The following SLC68A1 variants were observed in gnomAD, a reference collection of about 807,000 sequenced individuals.
The protein encoded by SLC68A1 is major facilitator superfamily domain containing 13A.
the SLC68A1 span, chr10:102,470,935 CCTCT>C: frequency 6.2e-7 from 1 of 1,613,312 alleles, no homozygotes; most frequent in Admixed American, 1.7e-5. Flanking sequence ...CGGCCGGCTC[CCTCT>C]CTGTCTTTGC....
the SLC68A1 span, among the ~76,000 whole-genome samples, chr10:102,474,325 G>A: frequency 6.6e-6 from 1 of 152,188 alleles, no homozygotes. Flanking sequence ...GGGGTGGGCT[G>A]GGGTTGGCAA....
At chr10:102,469,661 C>A in the SLC68A1 span, among the ~76,000 whole-genome samples, 1 of 151,808 alleles carries the variant, frequency 6.6e-6, no homozygotes, top group Non-Finnish European at 1.5e-5. Flanking sequence ...ATTCTCCTGT[C>A]TCAACCTCAT....
the SLC68A1 span, chr10:102,471,008 C>G: frequency 8.1e-6 from 13 of 1,613,394 alleles, no homozygotes; most frequent in African/African-American, 1.3e-5. Context: ...CTGCGTGACA[C>G]TGGCTGTCAG....
the SLC68A1 span, among the ~76,000 whole-genome samples, chr10:102,474,690 C>T: frequency 1.3e-5 from 2 of 152,078 alleles, no homozygotes; most frequent in African/African-American, 4.8e-5. Flanking sequence ...CCCTGTCACC[C>T]AGGCTGGAGT....
At chr10:102,467,668 CTTTTT>C in the SLC68A1 span, among the ~76,000 whole-genome samples, 2 of 149,162 alleles carry the variant, frequency 1.3e-5, no homozygotes, top group Non-Finnish European at 3.0e-5. Flanking sequence ...TTCTTTTTTT[CTTTTT>C]GAGACTGAGT....
the SLC68A1 span, chr10:102,469,289 T>G: frequency 7.6e-7 from 1 of 1,314,110 alleles, no homozygotes; most frequent in Non-Finnish European, 1.1e-6. Context: ...AGGTGCCTGG[T>G]CCCACCCAGT....
the SLC68A1 span, among the ~76,000 whole-genome samples, chr10:102,472,659 G>C: frequency 6.6e-6 from 1 of 152,174 alleles, no homozygotes; most frequent in Non-Finnish European, 1.5e-5. Context: ...AGCAAAGTTA[G>C]ATAGCACCAG....
At chr10:102,476,041 AGTTTTTTTTGG>A in the SLC68A1 span, 19 of 825,824 alleles carry the variant, frequency 2.3e-5, no homozygotes, top group Non-Finnish European at 3.0e-5. Context: ...GGAAGGAGCC[AGTTTTTTTTGG>A]TTTTTTTTTT....
At chr10:102,471,208 T>C in the SLC68A1 span, 1 of 1,601,530 alleles carries the variant, frequency 6.2e-7, no homozygotes, top group Non-Finnish European at 8.5e-7. Flanking sequence ...GGGGCTGCCC[T>C]GGGATGTGTT....
the SLC68A1 span, among the ~76,000 whole-genome samples, chr10:102,464,319 C>T: frequency 3.9e-5 from 6 of 152,144 alleles, no homozygotes; most frequent in Admixed American, 2.0e-4. Flanking sequence ...GGCATGGTGG[C>T]GCACGCCTGT....
chr10:102,463,773 T>C, the SLC68A1 span, among the ~76,000 whole-genome samples: 1 of 152,126 alleles, frequency 6.6e-6, no homozygotes, highest in South Asian at 2.1e-4. Flanking sequence ...TGAATGCAGA[T>C]AGTAACAGAG....
the SLC68A1 span, among the ~76,000 whole-genome samples, chr10:102,462,683 C>T: frequency 6.6e-6 from 1 of 152,138 alleles, no homozygotes; most frequent in South Asian, 2.1e-4. Flanking sequence ...TGTCACTTCC[C>T]CACCCCCAGC....
chr10:102,471,446 A>G, the SLC68A1 span: 28,334 of 1,592,430 alleles, frequency 0.018, 397 homozygotes, highest in Non-Finnish European at 0.02. Context: ...GACTTCACTC[A>G]AGGGGACAGA....
the SLC68A1 span, chr10:102,471,149 C>T: frequency 3.1e-6 from 5 of 1,605,060 alleles, no homozygotes; most frequent in Non-Finnish European, 4.3e-6. Context: ...TTCAGGTCCT[C>T]ACCAGCAACC....
At chr10:102,471,393 G>C in the SLC68A1 span, 1 of 1,611,946 alleles carries the variant, frequency 6.2e-7, no homozygotes, top group Non-Finnish European at 8.5e-7. Context: ...TGGACCTGGT[G>C]CAGGTATGGG....
the SLC68A1 span, chr10:102,468,849 A>C: frequency 1.7e-6 from 1 of 592,560 alleles, no homozygotes; most frequent in Non-Finnish European, 3.0e-6. Flanking sequence ...TGTTGTAAGT[A>C]CAAACTCTCT....
chr10:102,466,583 TA>T, the SLC68A1 span, among the ~76,000 whole-genome samples: 1 of 151,968 alleles, frequency 6.6e-6, no homozygotes, highest in African/African-American at 2.4e-5. Context: ...ACACTCTTAG[TA>T]GGAAGTACAG....
chr10:102,467,952 C>T, the SLC68A1 span, among the ~76,000 whole-genome samples: 2 of 152,006 alleles, frequency 1.3e-5, no homozygotes, highest in African/African-American at 2.4e-5. Flanking sequence ...CCACGGCACC[C>T]GGCTGGGTCT....
At chr10:102,475,018 G>A in the SLC68A1 span, among the ~76,000 whole-genome samples, 1 of 134,372 alleles carries the variant, frequency 7.4e-6, no homozygotes, top group South Asian at 2.4e-4. Flanking sequence ...TGGGCTGGGT[G>A]AGGTGGCTCA....
Sources: gnomAD v4.1 joint callset for allele counts (sites outside exome capture counted in the v4.1 genomes callset) on GRCh38, gnomAD v4.1.1 for gene constraint, MANE v1.5 for transcripts, NCBI Gene and HGNC (gene_info 2026-07-23, HGNC 2026-07-21) for gene names.